The following BICRA variants were observed in gnomAD, a reference collection of about 807,000 sequenced individuals.
BICRA encodes the protein BRD4 interacting chromatin remodeling complex associated protein, also known as BRD4-interacting chromatin-remodeling complex-associated protein.
A neutral mutation model predicts 96.9 loss-of-function variants in BICRA; 31 were observed. That is an observed-to-expected ratio of 0.32 (90% CI 0.24 to 0.43). The LOEUF is 0.43. Among genes scored for constraint, BICRA ranks in the 20% least tolerant of loss-of-function variants. The pLI, the probability that BICRA is intolerant of heterozygous loss-of-function variation, is 1.00. For synonymous variants in BICRA, 1,350 were observed against 1,071.8 expected, an observed-to-expected ratio of 1.26 and a Z score of -5.07; for missense variants, 2,283 against 2,190.3, an observed-to-expected ratio of 1.04 and a Z score of -0.84.
In BICRA at chr19:47,612,532, A is replaced by G. The variant is rs139908484; in HGVS notation, c.-108+3364A>G. On this transcript the variant is annotated intron_variant, in intron 1 of 14. Transcript: ENST00000594866. ...GCAAACGAACAATTCCCCTTCAGTGACACGCACCCTCTGAGCGCTTTGGGG... is the reference window on the plus strand; with the variant it reads ...GCAAACGAACAATTCCCCTTCAGTGGCACGCACCCTCTGAGCGCTTTGGGG... Among the ~76,000 whole-genome samples, 326 of 152,306 alleles carry G rather than the reference A, an allele frequency of 2.1e-3. 2 individuals are homozygous for G. The highest frequency in any genetic ancestry group is 7.6e-3 in the African/African-American group (315 of 41,566).
chr19:47,618,300 C>T (rs1189175049), intron 1 of BICRA, among the ~76,000 whole-genome samples: 1 of 152,198 alleles, frequency 6.6e-6, no homozygotes, highest in Non-Finnish European at 1.5e-5. Flanking sequence ...CCTGTTTCTG[C>T]TCCTTCTAAC....
In BICRA at chr19:47,641,505, C is replaced by T. The variant is rs1972385532; in HGVS notation, c.-107-28938C>T. On this transcript the variant is annotated intron_variant, in intron 1 of 14. Coordinates refer to ENST00000594866, the MANE Select transcript of BICRA (RefSeq NM_001394372.1). ...TTCAGGGAGTGTGTGATGCCTCCAGCTTTTTTCTTAGAATCTCACCTGTGG... is the reference window on the plus strand; with the variant it reads ...TTCAGGGAGTGTGTGATGCCTCCAGTTTTTTTCTTAGAATCTCACCTGTGG... 3.3e-5 allele frequency among the ~76,000 whole-genome samples: 5 copies of T among 152,120 alleles called. No individual in the cohort carries two copies. In the South Asian group the frequency reaches 1.0e-3, roughly 32 times the overall value.
Position 47,694,151 on chromosome 19 carries a change from T to G in BICRA, c.2320T>G (p.Ser774Ala), listed in dbSNP as rs1235077431. 4 of 1,207,938 alleles carry G rather than the reference T, an allele frequency of 3.3e-6. No homozygotes were observed. The highest frequency in any genetic ancestry group is 3.1e-5 in the Admixed American group (1 of 32,570). The allele number at this position is 1,207,938 out of a possible 1,614,324, so 74.8% of individuals were successfully genotyped here. The change falls in exon 8 of 15, where the codon TCT becomes GCT. Residue 774 changes from serine (S) to alanine (A), a missense_variant. Transcript: ENST00000594866. ...GGCTCCGCTGAAGGGCCCAGGCCCC[T>G]CTTCGTCCCCGTCACTACCTCACCA... ...AAAPLKGPGP[S>A]SSPSLPHQAP...
intron 1 of BICRA, among the ~76,000 whole-genome samples, chr19:47,609,956 C>T (rs914728690): frequency 3.9e-5 from 2 of 51,792 alleles, no homozygotes; most frequent in African/African-American, 1.8e-4. Context: ...CGGAGGGGGC[C>T]GTTACGGGGG....
chr19:47,657,257 A>G (rs1289916212), intron 1 of BICRA, among the ~76,000 whole-genome samples: 8 of 152,092 alleles, frequency 5.3e-5, no homozygotes, highest in Non-Finnish European at 8.8e-5. Context: ...ACCCATTTGT[A>G]TTGTTGCTGT....
At chr19:47,623,915 G>T (rs572888913) in intron 1 of BICRA, among the ~76,000 whole-genome samples, 3 of 150,934 alleles carry the variant, frequency 2.0e-5, no homozygotes, top group South Asian at 2.1e-4. Flanking sequence ...GCAGTGGCGC[G>T]ATCTTGGCTC....
At chr19:47,686,498 C>T (rs1474034938) in intron 7 of BICRA, among the ~76,000 whole-genome samples, 1 of 152,132 alleles carries the variant, frequency 6.6e-6, no homozygotes, top group Admixed American at 6.6e-5. Flanking sequence ...ATTCTCCTGC[C>T]TCAGCTTCCC....
Position 47,624,700 on chromosome 19 carries a change from T to C in BICRA, c.-108+15532T>C, listed in dbSNP as rs114688656. 9.8e-3 allele frequency among the ~76,000 whole-genome samples: 1,485 copies of C among 152,098 alleles called. 28 individuals are homozygous for C. The highest frequency in any genetic ancestry group is 0.034 in the African/African-American group (1,426 of 41,478). ...TCCCACTGCCACGCCCTGACTTTTTTTTTTTTCTTTGGAAGATAGGGTCTC... is the reference window on the plus strand; with the variant it reads ...TCCCACTGCCACGCCCTGACTTTTTCTTTTTTCTTTGGAAGATAGGGTCTC... On this transcript the variant is annotated intron_variant, in intron 1 of 14. Transcript: ENST00000594866.
chr19:47,653,006 G>A (rs1264450947), intron 1 of BICRA, among the ~76,000 whole-genome samples: 1 of 147,332 alleles, frequency 6.8e-6, no homozygotes, highest in Non-Finnish European at 1.5e-5. Context: ...CACAAAGAAC[G>A]TCCTCATTCT....
chr19:47,674,922 CAGAG>C (rs1234572172), intron 4 of BICRA, among the ~76,000 whole-genome samples: 2 of 152,204 alleles, frequency 1.3e-5, no homozygotes, highest in African/African-American at 4.8e-5. Flanking sequence ...GGCCAGCACT[CAGAG>C]GGAGGGGAAT....
At position 47,699,214 on chromosome 19, in the gene BICRA, T is replaced by C; in HGVS notation, c.3493-89T>C. 1.1e-6 allele frequency: 1 copy of C among 889,382 alleles called. No individual in the cohort carries two copies. Among genetic ancestry groups the C allele is most frequent in the Non-Finnish European group, 1.8e-6 (1 of 546,510 alleles). The allele number at this position is 889,382 out of a possible 1,614,324, so 55.1% of individuals were successfully genotyped here. On this transcript the variant is annotated intron_variant, in intron 13 of 14. Coordinates refer to ENST00000594866, the MANE Select transcript of BICRA (RefSeq NM_001394372.1). The surrounding 1 kb of genome is among the most constrained non-coding windows in gnomAD (Gnocchi z 5.0). ...GCGGGAGCTCCCATCACAAGGACAG[T>C]TTGGACCTTGCACGCATCGTCCCCG...
chr19:47,651,050 C>T (rs764815106), intron 1 of BICRA, among the ~76,000 whole-genome samples: 7 of 152,116 alleles, frequency 4.6e-5, no homozygotes, highest in East Asian at 1.9e-4. Context: ...AATTTGACTG[C>T]GCCTTGTCCC....
chr19:47,615,390 A>C (rs1971968505), intron 1 of BICRA, among the ~76,000 whole-genome samples: 1 of 151,808 alleles, frequency 6.6e-6, no homozygotes, highest in African/African-American at 2.4e-5. Context: ...GCCTCAGGTG[A>C]CCTCCTTGTG....
rs751674030 is a variant in BICRA, at chr19:47,702,247, C to T, written c.4515C>T (p.Ile1505=). The T allele has an allele frequency of 1.9e-5, 30 of 1,598,894 alleles. No individual in the cohort carries two copies. The South Asian group carries it at 3.3e-4, about 18-fold the overall frequency. ...DTLTEHLQSA[I]DSILNLQQAP... ...TCACCGAGCACCTGCAGAGCGCCAT[C>T]GACAGCATCCTGAACCTGCAGCAGG... Residue 1505 remains isoleucine, a synonymous_variant, in exon 15 of 15, where the codon ATC becomes ATT. Transcript: ENST00000594866.
intron 1 of BICRA, among the ~76,000 whole-genome samples, chr19:47,629,087 C>T (rs768285108): frequency 1.3e-4 from 19 of 151,950 alleles, no homozygotes; most frequent in Non-Finnish European, 2.2e-4. Context: ...CTGCAAGCTC[C>T]GCTTCCCGGG....
intron 4 of BICRA, among the ~76,000 whole-genome samples, chr19:47,674,961 G>A (rs1177168065): frequency 1.3e-5 from 2 of 152,218 alleles, no homozygotes; most frequent in African/African-American, 2.4e-5. Flanking sequence ...TGAAAGGAGA[G>A]GTTTCAAATA....
At chr19:47,608,880 C>CA (rs201988934), upstream of BICRA, among the ~76,000 whole-genome samples, 75,235 of 134,240 alleles carry the variant, frequency 0.56, 23,444 homozygotes, top group Non-Finnish European at 0.7. Context: ...GGGCGGAACA[C>CA]AAAACCTGAG....
chr19:47,630,776 A>G (rs887734201), intron 1 of BICRA, among the ~76,000 whole-genome samples: 1 of 152,132 alleles, frequency 6.6e-6, no homozygotes, highest in African/African-American at 2.4e-5. Context: ...GTTTATATCT[A>G]GGAGTGGAAT....
intron 1 of BICRA, among the ~76,000 whole-genome samples, chr19:47,646,451 G>GCA (rs1377619077): frequency 5.3e-5 from 8 of 152,166 alleles, no homozygotes; most frequent in African/African-American, 7.2e-5. Flanking sequence ...ACACGTGTGC[G>GCA]CGCACACACA....
Sources: allele counts gnomAD v4.1 joint callset (sites outside exome capture counted in the v4.1 genomes callset), GRCh38; gene constraint gnomAD v4.1.1; non-coding constraint Gnocchi (gnomAD v3.1); transcripts MANE v1.5; gene names NCBI Gene and HGNC (gene_info 2026-07-23, HGNC 2026-07-21).